Variants in NRXN1 observed in about 807,000 individuals in gnomAD.
NRXN1 encodes neurexin 1.
A neutral mutation model predicts 150.9 loss-of-function variants in NRXN1; 39 were observed. The observed-to-expected ratio is 0.26, with a 90% CI of 0.20 to 0.34. NRXN1 has a LOEUF of 0.34. Ranked by LOEUF, NRXN1 falls within the 10% of genes least tolerant of loss-of-function variation. NRXN1 has a pLI of 1.00. For missense variants in NRXN1, 1,815 were observed against 1,949.9 expected (o/e 0.93, Z 1.30); for synonymous variants, 924 against 757.0 (o/e 1.22, Z -3.62).
intron 3 of NRXN1, among the ~76,000 whole-genome samples, chr2:50,923,776 G>T (rs755394243): frequency 4.6e-5 from 7 of 151,614 alleles, no homozygotes; most frequent in Non-Finnish European, 7.4e-5. Context: ...AACTTTATTT[G>T]AGCTATATAA....
chr2:50,612,441 T>A (rs1362275031), intron 8 of NRXN1, among the ~76,000 whole-genome samples: 3 of 152,212 alleles, frequency 2.0e-5, no homozygotes, highest in Admixed American at 6.5e-5. Context: ...ATCAAATTAT[T>A]TCACACAGTT....
In NRXN1 at chr2:51,028,337, C is replaced by T. The variant is rs1670956364; in HGVS notation, c.-64G>A. 6.2e-6 allele frequency: 7 copies of T among 1,137,050 alleles called. No homozygotes were observed. Among genetic ancestry groups the T allele is most frequent in the Middle Eastern group, 3.0e-4 (1 of 3,346 alleles). The allele number at this position is 1,137,050 out of a possible 1,614,324, so 70.4% of individuals were successfully genotyped here. A position where few individuals can be genotyped will look rare whatever the true frequency, so the allele number is the denominator to read the frequency against. On this transcript the variant is annotated 5_prime_UTR_variant, in exon 2 of 23. Transcript: ENST00000401669. Reference sequence around the variant, plus strand: ...ACAGGGTCAAAATGGTCCTGGACACCGTGACGAAGAAATAAGGGTCCCGAG... The same window carrying T: ...ACAGGGTCAAAATGGTCCTGGACACTGTGACGAAGAAATAAGGGTCCCGAG...
At chr2:50,514,185 T>C (rs1201781029) in intron 12 of NRXN1, among the ~76,000 whole-genome samples, 1 of 152,196 alleles carries the variant, frequency 6.6e-6, no homozygotes, top group Non-Finnish European at 1.5e-5. Context: ...AACCATCACC[T>C]AACAAATTGC....
intron 18 of NRXN1, among the ~76,000 whole-genome samples, chr2:50,230,292 T>C (rs1206838633): frequency 6.6e-6 from 1 of 152,006 alleles, no homozygotes; most frequent in Non-Finnish European, 1.5e-5. Flanking sequence ...AAGAAGCTCA[T>C]TTTTTAAAAA....
At chr2:50,978,121 A>T (rs1696154299) in intron 2 of NRXN1, among the ~76,000 whole-genome samples, 1 of 150,774 alleles carries the variant, frequency 6.6e-6, no homozygotes, top group South Asian at 2.1e-4. Context: ...ACTGTTCCAA[A>T]ATATATATAT....
chr2:50,324,899 T>G (rs1313912025), intron 17 of NRXN1, among the ~76,000 whole-genome samples: 1 of 152,222 alleles, frequency 6.6e-6, no homozygotes, highest in Non-Finnish European at 1.5e-5. Flanking sequence ...AATCTGAATC[T>G]GACCCTGCAA....
chr2:50,488,275 C>G (rs2091017817), intron 15 of NRXN1, among the ~76,000 whole-genome samples: 1 of 152,202 alleles, frequency 6.6e-6, no homozygotes. Context: ...CTTATTCCCT[C>G]AACCTGGCAC....
At chr2:50,671,750 C>T (rs1688884125) in intron 5 of NRXN1, among the ~76,000 whole-genome samples, 1 of 151,556 alleles carries the variant, frequency 6.6e-6, no homozygotes, top group Non-Finnish European at 1.5e-5. Context: ...AAATTTTAAC[C>T]ATCAATATAT....
At chr2:50,326,165 G>A (rs1211375893) in intron 17 of NRXN1, among the ~76,000 whole-genome samples, 8 of 151,700 alleles carry the variant, frequency 5.3e-5, no homozygotes, top group Non-Finnish European at 8.8e-5. Flanking sequence ...AATATTTTAC[G>A]TTTGTAGTCC....
At position 50,347,135 on chromosome 2, in the gene NRXN1, G is replaced by C; in HGVS notation, c.3365-110165C>G. The C allele has an allele frequency of 7.2e-7, 1 of 1,383,366 alleles. No homozygotes were observed. The allele number at this position is 1,383,366 out of a possible 1,614,324, so 85.7% of individuals were successfully genotyped here. ...GGGGTCCTGGAGTCCGCCGTGCCTA[G>C]CACCCCAAACAATCCGAAACATAGC... On this transcript the variant is annotated intron_variant, in intron 17 of 22. Coordinates refer to ENST00000401669, the MANE Select transcript of NRXN1 (RefSeq NM_001330078.2). This position sits in a 1 kb window ranked among gnomAD's most constrained non-coding sequence, Gnocchi z 4.9.
In NRXN1 at chr2:50,700,856, CG is replaced by C. The variant is rs1327365515; in HGVS notation, c.833-77242del. Among the ~76,000 whole-genome samples, 11 of 150,052 alleles carry C rather than the reference CG, an allele frequency of 7.3e-5. No individual in the cohort carries two copies. In the South Asian group the frequency reaches 1.7e-3, roughly 23 times the overall value. On this transcript the variant is annotated intron_variant, in intron 5 of 22. Coordinates refer to ENST00000401669, the MANE Select transcript of NRXN1 (RefSeq NM_001330078.2). Reference sequence around the variant, plus strand: ...CTAATTTTTGTATTTTTAGTAGAGACGGGGTTTCACCGTGTTAGCCAGGATG... The same window carrying C: ...CTAATTTTTGTATTTTTAGTAGAGACGGGTTTCACCGTGTTAGCCAGGATG...
chr2:50,137,742 A>G (rs1002941842), intron 18 of NRXN1, among the ~76,000 whole-genome samples: 3 of 152,186 alleles, frequency 2.0e-5, no homozygotes, highest in African/African-American at 4.8e-5. Context: ...TTCAATTTTG[A>G]TTGGAAGTAA....
At chr2:50,480,630 G>A (rs1027094224) in intron 15 of NRXN1, among the ~76,000 whole-genome samples, 2 of 152,168 alleles carry the variant, frequency 1.3e-5, no homozygotes, top group Non-Finnish European at 2.9e-5. Context: ...GTTTGCAGAT[G>A]TTTCACTCCT....
intron 2 of NRXN1, among the ~76,000 whole-genome samples, chr2:50,969,566 A>C (rs1694681059): frequency 6.6e-6 from 1 of 152,186 alleles, no homozygotes; most frequent in Non-Finnish European, 1.5e-5. Context: ...GGAAGTAGGA[A>C]CTATTTGATC....
chr2:50,476,352 T>C (rs1027872680), intron 15 of NRXN1, among the ~76,000 whole-genome samples: 23 of 152,152 alleles, frequency 1.5e-4, no homozygotes, highest in Admixed American at 1.2e-3. Flanking sequence ...ATTTTGGTTT[T>C]CTCTGTCTAC....
rs563709766 is a variant in NRXN1 at position 50,745,306 on chromosome 2, C to G, written c.833-121691G>C. ...ATTTTTATATTTATATCTGCCCCCC[C>G]CCAGGACTGAAAAAAAACCACTTTA... On this transcript the variant is annotated intron_variant, in intron 5 of 22. Coordinates refer to ENST00000401669, the MANE Select transcript of NRXN1 (RefSeq NM_001330078.2). Among the ~76,000 whole-genome samples, 181 of 147,532 alleles carry G rather than the reference C, an allele frequency of 1.2e-3. 5 individuals are homozygous for G. The highest frequency in any genetic ancestry group is 2.3e-3 in the African/African-American group (94 of 40,064).
chr2:50,035,450 G>C (rs916095118), intron 21 of NRXN1, among the ~76,000 whole-genome samples: 3 of 152,012 alleles, frequency 2.0e-5, no homozygotes, highest in Non-Finnish European at 2.9e-5. Flanking sequence ...ACTTCTGCCA[G>C]CTGTTTAATT....
chr2:50,508,079 A>G (rs1457510707), intron 12 of NRXN1, among the ~76,000 whole-genome samples: 1 of 152,132 alleles, frequency 6.6e-6, no homozygotes, highest in Non-Finnish European at 1.5e-5. Flanking sequence ...ACATGAGATC[A>G]TTGTTTTCTT....
At chr2:50,840,670 G>A (rs185718532) in intron 5 of NRXN1, among the ~76,000 whole-genome samples, 1 of 152,222 alleles carries the variant, frequency 6.6e-6, no homozygotes, top group Admixed American at 6.5e-5. Context: ...AAAGAGAAGC[G>A]ACATGGACAA....
Sources: allele counts gnomAD v4.1 joint callset (sites outside exome capture counted in the v4.1 genomes callset), GRCh38; gene constraint gnomAD v4.1.1; non-coding constraint Gnocchi (gnomAD v3.1); transcripts MANE v1.5; gene names NCBI Gene and HGNC (gene_info 2026-07-23, HGNC 2026-07-21).